Variants in TASP1 observed in about 807,000 individuals in gnomAD.
TASP1 encodes the protein taspase 1.
A neutral mutation model predicts 56.6 loss-of-function variants in TASP1; 16 were observed. The observed-to-expected ratio is 0.28, with a 90% CI of 0.19 to 0.43. The LOEUF (loss-of-function observed/expected upper bound fraction) is 0.43. Among genes scored for constraint, TASP1 ranks in the 20% least tolerant of loss-of-function variants. The pLI is 1.00. For synonymous variants in TASP1, 179 were observed against 184.2 expected, an observed-to-expected ratio of 0.97 and a Z score of 0.23; for missense variants, 393 against 511.6, an observed-to-expected ratio of 0.77 and a Z score of 2.24.
intron 10 of TASP1, among the ~76,000 whole-genome samples, chr20:13,521,642 G>T (rs977765013): frequency 7.5e-6 from 1 of 133,256 alleles, no homozygotes; most frequent in African/African-American, 2.7e-5. Context: ...TGGGGTGGGG[G>T]AGGGGGGAGG....
At chr20:13,265,937 T>G in the TASP1 span, among the ~76,000 whole-genome samples, 1 of 152,154 alleles carries the variant, frequency 6.6e-6, no homozygotes, top group East Asian at 1.9e-4. Flanking sequence ...CAGCCACGCT[T>G]AGACTACAGC....
chr20:13,628,803 A>G (rs920982263), intron 2 of TASP1, among the ~76,000 whole-genome samples: 1 of 152,214 alleles, frequency 6.6e-6, no homozygotes, highest in African/African-American at 2.4e-5. Context: ...AAGGAAAAAG[A>G]GCCTGCTGAG....
At chr20:13,500,994 A>T (rs1025606000) in intron 10 of TASP1, among the ~76,000 whole-genome samples, 2 of 152,086 alleles carry the variant, frequency 1.3e-5, no homozygotes, top group Non-Finnish European at 2.9e-5. Flanking sequence ...TGGGAAAAAA[A>T]GATACATTAC....
intron 8 of TASP1, among the ~76,000 whole-genome samples, chr20:13,535,827 C>T (rs376926713): frequency 2.6e-5 from 4 of 152,244 alleles, no homozygotes; most frequent in African/African-American, 9.6e-5. Flanking sequence ...TTTGACTTCA[C>T]GCAAATCCAG....
At chr20:13,313,385 A>G in the TASP1 span, among the ~76,000 whole-genome samples, 1 of 152,328 alleles carries the variant, frequency 6.6e-6, no homozygotes, top group Non-Finnish European at 1.5e-5. Flanking sequence ...TGTGTCAATC[A>G]CAGAATTTTG....
the TASP1 span, among the ~76,000 whole-genome samples, chr20:13,131,494 T>A: frequency 6.6e-6 from 1 of 152,308 alleles, no homozygotes; most frequent in East Asian, 1.9e-4. Context: ...CTCAATAAAG[T>A]CATAGTACTT....
At chr20:13,427,305 C>T (rs2042650780) in intron 12 of TASP1, among the ~76,000 whole-genome samples, 1 of 152,142 alleles carries the variant, frequency 6.6e-6, no homozygotes, top group Admixed American at 6.5e-5. Context: ...CCACAGCATA[C>T]TTTGGTAACA....
At chr20:13,576,223 GGGAGGGGAGGGGAGC>G in intron 6 of TASP1, among the ~76,000 whole-genome samples, 1 of 146,804 alleles carries the variant, frequency 6.8e-6, no homozygotes, top group Non-Finnish European at 1.5e-5. Context: ...GGGAGGGGAG[GGGAGGGGAGGGGAGC>G]GGAGGGAAGG....
At chr20:13,198,792 GTCTTTCTTTCTTTC>G in the TASP1 span, among the ~76,000 whole-genome samples, 1 of 114,040 alleles carries the variant, frequency 8.8e-6, no homozygotes, top group South Asian at 3.5e-4. Flanking sequence ...TTCTTTCTTT[GTCTTTCTTTCTTTC>G]TTTCTTTCTT....
At chr20:13,160,172 C>T in the TASP1 span, 4 of 1,570,246 alleles carry the variant, frequency 2.5e-6, no homozygotes, top group African/African-American at 2.7e-5. Flanking sequence ...AGTACCAGTA[C>T]CTTGGATTCA....
the TASP1 span, among the ~76,000 whole-genome samples, chr20:13,225,187 G>T: frequency 6.6e-5 from 10 of 151,962 alleles, no homozygotes; most frequent in Non-Finnish European, 8.8e-5. Flanking sequence ...AAAAATCCCG[G>T]GAATTAGGTG....
intron 11 of TASP1, among the ~76,000 whole-genome samples, chr20:13,480,068 C>T (rs1023439465): frequency 3.3e-5 from 5 of 152,266 alleles, no homozygotes; most frequent in East Asian, 1.9e-4. Context: ...ATCATCTGTG[C>T]TTCCTAAGTA....
intron 13 of TASP1, among the ~76,000 whole-genome samples, chr20:13,403,192 TATTAACTTATTAAC>T (rs2041802103): frequency 6.8e-6 from 1 of 146,196 alleles, no homozygotes; most frequent in Non-Finnish European, 1.5e-5. Context: ...CCAGCTGGCT[TATTAACTTATTAAC>T]ATTAACTTAT....
At chr20:13,569,677 A>G in intron 6 of TASP1, 91 bp from the exon 7 acceptor site, 3 of 1,115,556 alleles carry the variant, frequency 2.7e-6, no homozygotes, top group Admixed American at 2.1e-5. Context: ...GCAGTTGAGA[A>G]AAAGTCTTGC....
At chr20:13,287,663 A>C in the TASP1 span, among the ~76,000 whole-genome samples, 1 of 152,266 alleles carries the variant, frequency 6.6e-6, no homozygotes, top group East Asian at 1.9e-4. Context: ...GGATCTTTGA[A>C]AGTTGTACTT....
Position 13,634,165 on chromosome 20 carries a change from C to T in TASP1, c.-74-4013G>A, listed in dbSNP as rs1055331826. On this transcript the variant is annotated intron_variant, in intron 1 of 13. Transcript: ENST00000337743. ...GGTCCATCAACTGATGATGAATAAACAAAATGTGGTATAGTCACACAATGG... is the reference window on the plus strand; with the variant it reads ...GGTCCATCAACTGATGATGAATAAATAAAATGTGGTATAGTCACACAATGG... Among the ~76,000 whole-genome samples the T allele has an allele frequency of 3.3e-5, 5 of 152,096 alleles. No individual in the cohort carries two copies. The East Asian group carries it at 9.7e-4, about 29-fold the overall frequency.
intron 9 of TASP1, among the ~76,000 whole-genome samples, chr20:13,530,123 G>A (rs1370075633): frequency 6.6e-6 from 1 of 152,110 alleles, no homozygotes; most frequent in East Asian, 1.9e-4. Flanking sequence ...CCAAGACTCT[G>A]CGATGCACAA....
chr20:13,621,865 C>T (rs6134939), intron 4 of TASP1, among the ~76,000 whole-genome samples: 1 of 152,156 alleles, frequency 6.6e-6, no homozygotes, highest in Admixed American at 6.5e-5. Flanking sequence ...ACTCATTAAC[C>T]TTCTTTCCCA....
chr20:13,442,964 C>T (rs893864213), intron 11 of TASP1, among the ~76,000 whole-genome samples: 2 of 152,124 alleles, frequency 1.3e-5, no homozygotes, highest in Non-Finnish European at 2.9e-5. Flanking sequence ...TTGCACTCTT[C>T]AGTTTTTTCA....
Sources: allele counts gnomAD v4.1 joint callset (sites outside exome capture counted in the v4.1 genomes callset), GRCh38; gene constraint gnomAD v4.1.1; transcripts MANE v1.5; gene names NCBI Gene and HGNC (gene_info 2026-07-23, HGNC 2026-07-21).